Variants in ZNF341 observed in about 807,000 individuals in gnomAD.
ZNF341 encodes zinc finger protein 341.
Under a neutral mutation model 87.7 loss-of-function variants are expected in ZNF341, and 52 were observed. The observed-to-expected ratio is 0.59, with a 90% confidence interval of 0.47 to 0.75. ZNF341 has a LOEUF of 0.75. Among genes scored for constraint, ZNF341 ranks in the 30% least tolerant of loss-of-function variants. ZNF341 has a pLI of 0.00. For missense variants in ZNF341, 977 were observed against 1,145.9 expected (o/e 0.85, Z 2.13); for synonymous variants, 459 against 472.7 (o/e 0.97, Z 0.38).
intron 6 of ZNF341, among the ~76,000 whole-genome samples, chr20:33,757,644 A>T (rs1003392997): frequency 1.3e-5 from 2 of 152,172 alleles, no homozygotes; most frequent in Non-Finnish European, 2.9e-5. Context: ...ATTGTCTAAG[A>T]TGGCTGCTGG....
intron 4 of ZNF341, among the ~76,000 whole-genome samples, chr20:33,749,782 T>G (rs187668345): frequency 2.5e-4 from 38 of 151,260 alleles, no homozygotes; most frequent in Non-Finnish European, 4.9e-4. Flanking sequence ...AGACAGAGTC[T>G]TGCTCTGTTG....
In ZNF341 at chr20:33,791,005, T is replaced by C; in HGVS notation, c.2053T>C (p.Cys685Arg). Reference protein sequence around the residue: ...LSHSGMKLHKCALCSKSFSRR... With the variant: ...LSHSGMKLHKRALCSKSFSRR... ...CCCTCCAGGCATGAAGCTCCACAAA[T>C]GCGCCCTGTGCAGCAAGTCCTTCAG... is the stretch of plus-strand genomic sequence containing the variant. Residue 685 changes from cysteine (C) to arginine (R), a missense_variant, in exon 15 of 15, where the codon TGC (cysteine) becomes CGC (arginine). Around this residue, in one of 3 missense-constraint regions of ZNF341, gnomAD observed 241 missense variants for 335.0 expected, o/e 0.72. Coordinates refer to ENST00000375200, the MANE Select transcript of ZNF341 (RefSeq NM_001282933.2). 1 of 1,612,594 alleles carries C rather than the reference T, an allele frequency of 6.2e-7. No homozygotes were observed. The highest frequency in any genetic ancestry group is 8.5e-7 in the Non-Finnish European group (1 of 1,179,512).
Position 33,791,495 on chromosome 20 carries a change from T to C in ZNF341, c.2543T>C (p.Val848Ala). 2 of 1,573,836 alleles carry C rather than the reference T, an allele frequency of 1.3e-6. No individual in the cohort carries two copies. The highest frequency in any genetic ancestry group is 1.7e-6 in the Non-Finnish European group (2 of 1,162,466). Residue 848 changes from valine to alanine, a missense_variant, in exon 15 of 15, where the codon GTC becomes GCC. Val to Ala is a moderately conservative substitution (Grantham distance 64). Around this residue, in one of 3 missense-constraint regions of ZNF341, gnomAD observed 221 missense variants for 212.7 expected, o/e 1.04. Coordinates refer to ENST00000375200, the MANE Select transcript of ZNF341 (RefSeq NM_001282933.2). Reference sequence around the variant, plus strand: ...CCATGTGCCATGCTCGCTGTGCCCGTCTACATCCAGGCCTCCGAGTGACGG... The same window carrying C: ...CCATGTGCCATGCTCGCTGTGCCCGCCTACATCCAGGCCTCCGAGTGACGG... ...EGPCAMLAVP[V>A]YIQASE
intron 3 of ZNF341, among the ~76,000 whole-genome samples, chr20:33,748,549 G>A (rs1217798347): frequency 2.0e-5 from 3 of 151,700 alleles, no homozygotes. Context: ...TATTTTTCTT[G>A]TAGAGACAGG....
At chr20:33,747,210 T>TTA (rs1672966288) in intron 3 of ZNF341, among the ~76,000 whole-genome samples, 1 of 152,142 alleles carries the variant, frequency 6.6e-6, no homozygotes, top group South Asian at 2.1e-4. Flanking sequence ...TCCTTATCCC[T>TTA]TTAGAACATT....
chr20:33,788,910 A>G lies in ZNF341; in HGVS notation c.1900A>G (p.Lys634Glu). ...AGTGTGCGAGTCTGCGTTCAACCGC[A>G]AGGACAAACTGAAGAGACACATGTT... Reference protein sequence around the residue: ...CSVCESAFNRKDKLKRHMLIH... With the variant: ...CSVCESAFNREDKLKRHMLIH... Residue 634 changes from lysine (K) to glutamate (E), a missense_variant, in exon 13 of 15, where the codon AAG becomes GAG. Lys to Glu is a moderately conservative substitution (Grantham distance 56, BLOSUM62 1). Coordinates refer to ENST00000375200, the MANE Select transcript of ZNF341 (RefSeq NM_001282933.2). 6.2e-7 allele frequency: 1 copy of G among 1,614,040 alleles called. No homozygotes were observed. The highest frequency in any genetic ancestry group is 8.5e-7 in the Non-Finnish European group (1 of 1,179,986).
rs1179181127 is a variant in ZNF341 at position 33,732,269 on chromosome 20, C to G, written c.31+217C>G. ...CCGGAACAGCCGGGGAGAGCCAGGC[C>G]GGCGGGGAGGGGGCTCGGGTCCGGA... On this transcript the variant is annotated intron_variant, in intron 1 of 14. Transcript: ENST00000375200. This position sits in a 1 kb window ranked among gnomAD's most constrained non-coding sequence, Gnocchi z 4.5. 6.7e-6 allele frequency among the ~76,000 whole-genome samples: 1 copy of G among 149,660 alleles called. No homozygotes were observed. Among genetic ancestry groups the G allele is most frequent in the Non-Finnish European group, 1.5e-5 (1 of 67,216 alleles).
chr20:33,753,561 G>A, intron 5 of ZNF341, 138 bp downstream of exon 5: 7 of 1,165,382 alleles, frequency 6.0e-6, no homozygotes, highest in East Asian at 2.6e-5. Context: ...TGGCCTTCAT[G>A]GGGTGTACCA....
Position 33,791,910 on chromosome 20 carries a change from A to G in ZNF341, c.*393A>G, listed in dbSNP as rs1018460484. 6 of 205,144 alleles carry G rather than the reference A, an allele frequency of 2.9e-5. No homozygotes were observed. The highest frequency in any genetic ancestry group is 5.9e-5 in the Non-Finnish European group (6 of 102,534). The allele number at this position is 205,144 out of a possible 1,614,324, so 12.7% of individuals were successfully genotyped here. A position where few individuals can be genotyped will look rare whatever the true frequency, so the allele number is the denominator to read the frequency against. On this transcript the variant is annotated 3_prime_UTR_variant, in exon 15 of 15. Transcript: ENST00000375200. ...GGTAGCCTCTAGTCTGCTGTTCTTCAGGAGGCCTGCCATAAACTCTTCGGA... is the reference window on the plus strand; with the variant it reads ...GGTAGCCTCTAGTCTGCTGTTCTTCGGGAGGCCTGCCATAAACTCTTCGGA...
intron 8 of ZNF341, among the ~76,000 whole-genome samples, chr20:33,764,561 A>ATATATATTTATTTTTTTTT (rs1266929824): frequency 3.5e-5 from 1 of 28,402 alleles, no homozygotes; most frequent in Admixed American, 6.0e-4. Context: ...ATATATATAT[A>ATATATATTTATTTTTTTTT]TTTTTTTTTT....
chr20:33,766,378 A>G (rs538355201), intron 8 of ZNF341, among the ~76,000 whole-genome samples: 100 of 151,984 alleles, frequency 6.6e-4, no homozygotes, highest in African/African-American at 2.0e-3. Flanking sequence ...TATTGTTAGT[A>G]GAGATGGGCT....
intron 8 of ZNF341, among the ~76,000 whole-genome samples, chr20:33,764,064 G>A (rs1913887015): frequency 7.3e-6 from 1 of 137,072 alleles, no homozygotes; most frequent in African/African-American, 2.7e-5. Flanking sequence ...TCACTCTGTT[G>A]CCCAGGCTGG....
At chr20:33,790,259 A>C (rs946502493) in intron 14 of ZNF341, among the ~76,000 whole-genome samples, 1 of 151,966 alleles carries the variant, frequency 6.6e-6, no homozygotes, top group African/African-American at 2.4e-5. Context: ...TTTAGTAGAC[A>C]TGGGGTTTTC....
intron 8 of ZNF341, among the ~76,000 whole-genome samples, chr20:33,764,499 G>A (rs1488819895): frequency 2.2e-5 from 3 of 136,950 alleles, no homozygotes; most frequent in South Asian, 2.3e-4. Flanking sequence ...ATATATATAT[G>A]TGTGTGTATA....
intron 7 of ZNF341, among the ~76,000 whole-genome samples, chr20:33,760,104 T>C (rs1050532655): frequency 2.6e-5 from 4 of 152,198 alleles, no homozygotes; most frequent in Admixed American, 1.3e-4. Flanking sequence ...TCTGTAGCGA[T>C]AGAAATGCTC....
chr20:33,753,254 C>T lies in ZNF341; in HGVS notation c.572C>T (p.Pro191Leu), dbSNP rs888023688. Residue 191 changes from proline (P) to leucine (L), a missense_variant, in exon 5 of 15, where the codon CCG (proline) becomes CTG (leucine). Physicochemically the swap from Pro to Leu is moderately conservative, Grantham distance 98. This residue lies in a region of ZNF341 where 515 missense variants were observed against 598.2 expected (regional missense o/e 0.86). Coordinates refer to ENST00000375200, the MANE Select transcript of ZNF341 (RefSeq NM_001282933.2). ...PPPPPPPLPP[P>L]PPPQPPPPPP... The stretch of plus-strand genomic sequence containing the variant: ...CCACCTCCTCCACCACTGCCCCCAC[C>T]GCCACCACCTCAGCCTCCACCACCT... The T allele has an allele frequency of 9.9e-6, 16 of 1,611,682 alleles. No homozygotes were observed. Among genetic ancestry groups the T allele is most frequent in the Non-Finnish European group, 1.2e-5 (14 of 1,179,886 alleles).
intron 1 of ZNF341, 25 bp from the exon 2 acceptor site, chr20:33,740,877 A>G: frequency 6.2e-7 from 1 of 1,608,510 alleles, no homozygotes. Flanking sequence ...CCTACCTTCC[A>G]AAGAGGCTGC....
chr20:33,774,331 A>AT (rs547382703), intron 10 of ZNF341, among the ~76,000 whole-genome samples: 21 of 152,140 alleles, frequency 1.4e-4, no homozygotes, highest in African/African-American at 2.2e-4. Flanking sequence ...AGATTTATTG[A>AT]TTTTTTCCCC....
chr20:33,739,628 C>A (rs1490471303), intron 1 of ZNF341, among the ~76,000 whole-genome samples: 1 of 152,110 alleles, frequency 6.6e-6, no homozygotes, highest in Non-Finnish European at 1.5e-5. Context: ...GGCAAGGACG[C>A]CCGCGTGCAC....
Sources: gnomAD v4.1 joint callset for allele counts (sites outside exome capture counted in the v4.1 genomes callset) on GRCh38, gnomAD v4.1.1 for gene constraint, gnomAD v4.1.1 regional missense constraint, Gnocchi (gnomAD v3.1) non-coding constraint, MANE v1.5 for transcripts, NCBI Gene and HGNC (gene_info 2026-07-23, HGNC 2026-07-21) for gene names.